CIMIP6: variants seen among roughly 807,000 people sequenced by gnomAD.
CIMIP6 encodes the protein uncharacterized protein C2orf73.
chr2:54,375,563 G>A, the CIMIP6 span, among the ~76,000 whole-genome samples: 3 of 152,130 alleles, frequency 2.0e-5, no homozygotes, highest in Non-Finnish European at 2.9e-5. Context: ...TATCAAAATT[G>A]TACACGTGTA....
the CIMIP6 span, among the ~76,000 whole-genome samples, chr2:54,334,198 T>C: frequency 1.3e-5 from 2 of 152,222 alleles, no homozygotes; most frequent in African/African-American, 2.4e-5. Flanking sequence ...TGATAAGCTG[T>C]TTCTTCCTAT....
At chr2:54,353,666 C>A in the CIMIP6 span, among the ~76,000 whole-genome samples, 1 of 152,098 alleles carries the variant, frequency 6.6e-6, no homozygotes, top group Non-Finnish European at 1.5e-5. Context: ...CTCCAGAGTT[C>A]TAAAAAAGTT....
the CIMIP6 span, among the ~76,000 whole-genome samples, chr2:54,354,744 A>G: frequency 6.6e-6 from 1 of 151,940 alleles, no homozygotes; most frequent in African/African-American, 2.4e-5. Context: ...TGGTTTTTCT[A>G]TTCAGGTAAT....
the CIMIP6 span, among the ~76,000 whole-genome samples, chr2:54,331,540 C>T: frequency 1.3e-5 from 2 of 152,142 alleles, no homozygotes; most frequent in Non-Finnish European, 2.9e-5. Context: ...CTACACAACA[C>T]GCCCCTTACC....
chr2:54,369,208 G>A, the CIMIP6 span, among the ~76,000 whole-genome samples: 2 of 152,142 alleles, frequency 1.3e-5, no homozygotes, highest in Non-Finnish European at 2.9e-5. Context: ...GTGTGTGGGG[G>A]TGTGTGTGTA....
chr2:54,379,762 G>C, the CIMIP6 span, among the ~76,000 whole-genome samples: 7 of 151,802 alleles, frequency 4.6e-5, no homozygotes, highest in Non-Finnish European at 8.8e-5. Flanking sequence ...GGTCACCTGA[G>C]GTCAGGAGTT....
At chr2:54,370,280 G>A in the CIMIP6 span, among the ~76,000 whole-genome samples, 1 of 151,910 alleles carries the variant, frequency 6.6e-6, no homozygotes, top group African/African-American at 2.4e-5. Context: ...AAAAAGACAA[G>A]AGAAAGAAAG....
chr2:54,372,967 T>C, the CIMIP6 span, among the ~76,000 whole-genome samples: 1 of 152,092 alleles, frequency 6.6e-6, no homozygotes, highest in Admixed American at 6.5e-5. Context: ...AATGGGTCCC[T>C]CTGAGTCCTC....
the CIMIP6 span, among the ~76,000 whole-genome samples, chr2:54,333,640 C>T: frequency 6.6e-6 from 1 of 152,046 alleles, no homozygotes; most frequent in Non-Finnish European, 1.5e-5. Context: ...TGTAATCCCA[C>T]CACTTTGGGA....
chr2:54,346,341 G>A, the CIMIP6 span, among the ~76,000 whole-genome samples: 1 of 152,028 alleles, frequency 6.6e-6, no homozygotes, highest in Non-Finnish European at 1.5e-5. Context: ...ATCCAGTGGG[G>A]GTGAAACAAG....
the CIMIP6 span, among the ~76,000 whole-genome samples, chr2:54,365,639 G>T: frequency 6.6e-6 from 1 of 152,090 alleles, no homozygotes; most frequent in Non-Finnish European, 1.5e-5. Flanking sequence ...ACTTCCTGAG[G>T]CCTCACTAAA....
the CIMIP6 span, among the ~76,000 whole-genome samples, chr2:54,341,823 A>C: frequency 9.5e-3 from 1,448 of 152,298 alleles, 28 homozygotes; most frequent in African/African-American, 0.033. Context: ...GGGTGTAATA[A>C]GCACTATTAT....
chr2:54,381,974 A>G, the CIMIP6 span: 1 of 1,546,086 alleles, frequency 6.5e-7, no homozygotes, highest in Non-Finnish European at 8.7e-7. Context: ...TTCTCCTTGA[A>G]ATACATTCAC....
chr2:54,343,079 G>GT, the CIMIP6 span, among the ~76,000 whole-genome samples: 1 of 152,132 alleles, frequency 6.6e-6, no homozygotes, highest in Non-Finnish European at 1.5e-5. Context: ...TTAGAACAAA[G>GT]TTTATCAAAC....
chr2:54,345,950 A>G, the CIMIP6 span, among the ~76,000 whole-genome samples: 1 of 152,234 alleles, frequency 6.6e-6, no homozygotes, highest in Non-Finnish European at 1.5e-5. Context: ...GCAAGAGTAC[A>G]ATGGAGTTAA....
chr2:54,360,576 G>C, the CIMIP6 span: 1 of 1,462,424 alleles, frequency 6.8e-7, no homozygotes, highest in South Asian at 1.5e-5. Context: ...ACCTTCTTCA[G>C]ATAAAAATCT....
chr2:54,381,889 G>A, the CIMIP6 span: 1 of 1,550,538 alleles, frequency 6.4e-7, no homozygotes, highest in South Asian at 1.2e-5. Context: ...CAGTGGTCCT[G>A]TGCCACAGTG....
chr2:54,333,447 C>A, the CIMIP6 span, among the ~76,000 whole-genome samples: 1 of 152,118 alleles, frequency 6.6e-6, no homozygotes, highest in Non-Finnish European at 1.5e-5. Flanking sequence ...TGATGTGTCC[C>A]TGGAACTGAC....
At chr2:54,374,682 A>G in the CIMIP6 span, among the ~76,000 whole-genome samples, 1 of 152,232 alleles carries the variant, frequency 6.6e-6, no homozygotes, top group Non-Finnish European at 1.5e-5. Flanking sequence ...CTGAACTTGG[A>G]TGTAACACAG....
Sources: gnomAD v4.1 joint callset for allele counts (sites outside exome capture counted in the v4.1 genomes callset) on GRCh38, gnomAD v4.1.1 for gene constraint, MANE v1.5 for transcripts, NCBI Gene and HGNC (gene_info 2026-07-23, HGNC 2026-07-21) for gene names.